UBE2E2: variants seen among roughly 807,000 people sequenced by gnomAD.
UBE2E2 encodes the protein ubiquitin conjugating enzyme E2 E2.
UBE2E2 carries 6 observed loss-of-function variants against 24.7 expected under a neutral mutation model. The observed-to-expected ratio is 0.24, with a 90% CI of 0.13 to 0.48. The LOEUF (loss-of-function observed/expected upper bound fraction) is 0.48. Among genes scored for constraint, UBE2E2 ranks in the 20% least tolerant of loss-of-function variants. The probability of loss-of-function intolerance (pLI) is 0.99; values close to 1 mark genes in which losing one functional copy is unlikely to be tolerated. For missense variants in UBE2E2, 169 were observed against 245.0 expected (o/e 0.69, Z 2.07); for synonymous variants, 104 against 83.6 (o/e 1.24, Z -1.33).
At chr3:23,379,995 A>G (rs1559367025) in intron 3 of UBE2E2, among the ~76,000 whole-genome samples, 1 of 151,960 alleles carries the variant, frequency 6.6e-6, no homozygotes, top group Non-Finnish European at 1.5e-5. Flanking sequence ...TCACTTTATC[A>G]TAAATTAACT....
Position 23,479,048 on chromosome 3 carries a change from C to T in UBE2E2, c.228-20560C>T, listed in dbSNP as rs1041984972. ...ATCCTTTGTAATAGTGTCACAGGAT[C>T]CTTCAGGTGTTGCTTTTCTAGCCAG... On this transcript the variant is annotated intron_variant, in intron 3 of 5. Transcript: ENST00000396703. Among the ~76,000 whole-genome samples, 4 of 152,052 alleles carry T rather than the reference C, an allele frequency of 2.6e-5. No homozygotes were observed. The South Asian group carries it at 6.2e-4, about 24-fold the overall frequency.
rs573947697 is a variant in UBE2E2 at position 23,217,280 on chromosome 3, A to G, written c.195A>G (p.Ala65=). 2.3e-5 allele frequency: 37 copies of G among 1,612,848 alleles called. No individual in the cohort carries two copies. The East Asian group carries it at 8.0e-4, about 35-fold the overall frequency. The change falls in exon 3 of 6, where the codon GCA becomes GCG. Residue 65 remains alanine, a synonymous_variant. Transcript: ENST00000396703. ...TSAKRIQKEL[A]EITLDPPPNC... is the part of the protein sequence containing the mutation. ...TTTAAAGAATTCAGAAGGAACTTGC[A>G]GAAATCACATTGGACCCTCCTCCCA...
chr3:23,210,685 G>A (rs776486973), intron 2 of UBE2E2, among the ~76,000 whole-genome samples: 12 of 152,166 alleles, frequency 7.9e-5, no homozygotes, highest in East Asian at 7.7e-4. Context: ...AGAGCGCAGC[G>A]CAGTGCCTGA....
chr3:23,536,386 G>A (rs1323585577), intron 5 of UBE2E2, among the ~76,000 whole-genome samples: 4 of 152,006 alleles, frequency 2.6e-5, no homozygotes, highest in Non-Finnish European at 5.9e-5. Flanking sequence ...TCCTTCTTGA[G>A]ACGTGTATAG....
intron 3 of UBE2E2, among the ~76,000 whole-genome samples, chr3:23,440,269 G>A (rs537980648): frequency 6.6e-6 from 1 of 152,038 alleles, no homozygotes; most frequent in Non-Finnish European, 1.5e-5. Context: ...GTGAGACTCT[G>A]TCTCAAAAGA....
intron 2 of UBE2E2, among the ~76,000 whole-genome samples, chr3:23,214,785 AT>A (rs900898456): frequency 1.3e-5 from 2 of 150,894 alleles, no homozygotes; most frequent in South Asian, 4.2e-4. Context: ...CAGTACATAG[AT>A]TTTTTTTTAA....
intron 5 of UBE2E2, among the ~76,000 whole-genome samples, chr3:23,551,849 T>C (rs560145967): frequency 6.6e-6 from 1 of 152,274 alleles, no homozygotes; most frequent in South Asian, 2.1e-4. Context: ...CCAAAATTAA[T>C]ATGTTGAAGC....
intron 3 of UBE2E2, among the ~76,000 whole-genome samples, chr3:23,300,294 A>T (rs1699035767): frequency 6.6e-6 from 1 of 152,060 alleles, no homozygotes; most frequent in South Asian, 2.1e-4. Flanking sequence ...TTTAAAGTTA[A>T]TATTGTTATG....
chr3:23,249,725 G>T (rs1485800810), intron 3 of UBE2E2, among the ~76,000 whole-genome samples: 2 of 151,582 alleles, frequency 1.3e-5, no homozygotes, highest in Non-Finnish European at 2.9e-5. Context: ...GCATGATCTC[G>T]GCTCACTGCA....
chr3:23,434,939 C>T (rs1393340376), intron 3 of UBE2E2, among the ~76,000 whole-genome samples: 1 of 152,188 alleles, frequency 6.6e-6, no homozygotes, highest in Non-Finnish European at 1.5e-5. Flanking sequence ...TTTGCATATC[C>T]AGATTCACAG....
rs57708620 is a variant in UBE2E2 at position 23,291,849 on chromosome 3, A to ATTTTTTTTTTTTTTTTTTT, written c.227+74546_227+74564dup. On this transcript the variant is annotated intron_variant, in intron 3 of 5. Coordinates refer to ENST00000396703, the MANE Select transcript of UBE2E2 (RefSeq NM_152653.4). ...AGATGTGTGCCACCATGCCCGGCTA[A>ATTTTTTTTTTTTTTTTTTT]TTTTTTTTTTTTTTTTTTTTTTTTT... 7.8e-5 allele frequency among the ~76,000 whole-genome samples: 5 copies of ATTTTTTTTTTTTTTTTTTT among 64,036 alleles called. 1 individual carries two copies. The highest frequency in any genetic ancestry group is 3.6e-4 in the African/African-American group (5 of 14,034). 42.0% of individuals were successfully genotyped at this position (64,036 alleles called of 152,430 possible). A position where few individuals can be genotyped will look rare whatever the true frequency, so the allele number is the denominator to read the frequency against.
chr3:23,437,111 C>T (rs1352349609), intron 3 of UBE2E2, among the ~76,000 whole-genome samples: 1 of 152,196 alleles, frequency 6.6e-6, no homozygotes, highest in Non-Finnish European at 1.5e-5. Flanking sequence ...TGTTCTTTCT[C>T]CCTTTCACTT....
rs1419698598 is a variant in UBE2E2, at chr3:23,591,254, A to C, written c.*1423A>C. The stretch of plus-strand genomic sequence containing the variant: ...GCTGCACCATACAGTTACAGACCCT[A>C]CCATACTCTTGGTCTCATTTAAGGA... On this transcript the variant is annotated 3_prime_UTR_variant, in exon 6 of 6. Transcript: ENST00000396703. 6.6e-6 allele frequency: 1 copy of C among 152,218 alleles called. No homozygotes were observed. Among genetic ancestry groups the C allele is most frequent in the Admixed American group, 6.5e-5 (1 of 15,278 alleles). 9.4% of individuals were successfully genotyped at this position (152,218 alleles called of 1,614,324 possible). A position where few individuals can be genotyped will look rare whatever the true frequency, so the allele number is the denominator to read the frequency against.
intron 3 of UBE2E2, among the ~76,000 whole-genome samples, chr3:23,413,921 A>G (rs1349939546): frequency 6.6e-6 from 1 of 152,182 alleles, no homozygotes; most frequent in East Asian, 1.9e-4. Context: ...GCATATATTT[A>G]TCGTTATTAC....
chr3:23,518,769 T>C (rs1694799624), intron 4 of UBE2E2, among the ~76,000 whole-genome samples: 1 of 152,220 alleles, frequency 6.6e-6, no homozygotes. Flanking sequence ...TTGTGGATTG[T>C]GTTGCCCATG....
chr3:23,432,879 GTTAATA>G (rs1439356694), intron 3 of UBE2E2, among the ~76,000 whole-genome samples: 2 of 151,658 alleles, frequency 1.3e-5, no homozygotes, highest in African/African-American at 2.4e-5. Context: ...TATAATAGAT[GTTAATA>G]TTAATATAAT....
At chr3:23,448,806 A>AG (rs989283596) in intron 3 of UBE2E2, among the ~76,000 whole-genome samples, 5 of 152,180 alleles carry the variant, frequency 3.3e-5, no homozygotes, top group African/African-American at 1.2e-4. Flanking sequence ...AAGGGATTAA[A>AG]GGGGCCCTCT....
rs183127192 is a variant in UBE2E2, at chr3:23,272,134, G to A, written c.227+54822G>A. Among the ~76,000 whole-genome samples the A allele has an allele frequency of 5.3e-3, 806 of 152,280 alleles. 8 individuals carry two copies. The highest frequency in any genetic ancestry group is 0.018 in the African/African-American group (754 of 41,568). On this transcript the variant is annotated intron_variant, in intron 3 of 5. Transcript: ENST00000396703. ...GCTGGAGCCCACCGCCAGGGGGCTC[G>A]GCCATGGCGGGCTGCAGGTCCCGAG...
intron 3 of UBE2E2, among the ~76,000 whole-genome samples, chr3:23,497,288 AT>A (rs1179778003): frequency 1.2e-4 from 18 of 152,210 alleles, no homozygotes; most frequent in African/African-American, 4.1e-4. Context: ...GGTTTACGGT[AT>A]TGCACAAACA....
Sources: allele counts gnomAD v4.1 joint callset (sites outside exome capture counted in the v4.1 genomes callset), GRCh38; gene constraint gnomAD v4.1.1; transcripts MANE v1.5; gene names NCBI Gene and HGNC (gene_info 2026-07-23, HGNC 2026-07-21).